CNTNAP4: variants seen among roughly 807,000 people sequenced by gnomAD.
CNTNAP4 encodes contactin-associated protein-like 4.
CNTNAP4 carries 98 observed loss-of-function variants against 148.4 expected under a neutral mutation model. The ratio of observed to expected loss-of-function variants is 0.66; its 90% confidence interval spans 0.56 to 0.78. CNTNAP4 has a LOEUF of 0.78. CNTNAP4 is among the 30% of genes least tolerant of loss of function. The probability of loss-of-function intolerance (pLI) is 0.00; values close to 1 mark genes in which losing one functional copy is unlikely to be tolerated. For synonymous variants in CNTNAP4, 730 were observed against 565.1 expected, an observed-to-expected ratio of 1.29 and a Z score of -4.14; for missense variants, 1,935 against 1,565.6, an observed-to-expected ratio of 1.24 and a Z score of -3.98.
chr16:76,513,261 T>TTA (rs942341042), intron 15 of CNTNAP4, among the ~76,000 whole-genome samples: 3 of 152,160 alleles, frequency 2.0e-5, no homozygotes, highest in African/African-American at 7.2e-5. Flanking sequence ...CTTCTGCTCT[T>TTA]TTCTTAGAGA....
At chr16:76,451,960 G>A (rs9925197) in intron 7 of CNTNAP4, among the ~76,000 whole-genome samples, 123,730 of 152,024 alleles carry the variant, frequency 0.81, 51,347 homozygotes, top group Non-Finnish European at 0.9. Flanking sequence ...TGCTCATTAC[G>A]TATTATATAT....
Position 76,355,402 on chromosome 16 carries a change from T to A in CNTNAP4, c.281T>A (p.Val94Glu), listed in dbSNP as rs1342660745. The stretch of plus-strand genomic sequence containing the variant: ...GGAGAGAGAATGGAGGTCACCGCTG[T>A]GGCCACTCAAGGGGGATATGGTAGC... ...DLGERMEVTA[V>E]ATQGGYGSSN... The change falls in exon 3 of 24, where the codon GTG (valine) becomes GAG (glutamate). Residue 94 changes from valine (V) to glutamate (E), a missense_variant. By Grantham distance (121) the Val-to-Glu change is moderately radical (BLOSUM62 -2). Coordinates refer to ENST00000611870, the MANE Select transcript of CNTNAP4 (RefSeq NM_033401.5). 6.2e-7 allele frequency: 1 copy of A among 1,611,598 alleles called. No homozygotes were observed. The highest frequency in any genetic ancestry group is 8.5e-7 in the Non-Finnish European group (1 of 1,178,614).
Position 76,448,075 on chromosome 16 carries a change from T to G in CNTNAP4, c.602T>G (p.Leu201Arg). 6.2e-7 allele frequency: 1 copy of G among 1,613,780 alleles called. No homozygotes were observed. Among genetic ancestry groups the G allele is most frequent in the Non-Finnish European group, 8.5e-7 (1 of 1,179,710 alleles). ...CTCTACAGATTTGATCAAAAATCCC[T>G]GAGCCCAATAAAAGACATTATTTCT... Reference protein sequence around the residue: ...SLLYRFDQKSLSPIKDIISLK... With the variant: ...SLLYRFDQKSRSPIKDIISLK... The change falls in exon 5 of 24, where the codon CTG becomes CGG. Residue 201 changes from leucine to arginine, a missense_variant. Transcript: ENST00000611870.
At chr16:76,534,312 A>C (rs2084121033) in intron 17 of CNTNAP4, among the ~76,000 whole-genome samples, 1 of 152,224 alleles carries the variant, frequency 6.6e-6, no homozygotes, top group South Asian at 2.1e-4. Context: ...AATGAAGGCT[A>C]GGTTAAGGAG....
intron 2 of CNTNAP4, among the ~76,000 whole-genome samples, chr16:76,327,275 A>T (rs568016422): frequency 7.9e-4 from 121 of 152,226 alleles, no homozygotes; most frequent in African/African-American, 2.8e-3. Context: ...CCAATATTTT[A>T]GCTCCCACTT....
intron 10 of CNTNAP4, among the ~76,000 whole-genome samples, chr16:76,474,485 T>G (rs1040804536): frequency 4.6e-5 from 7 of 152,126 alleles, no homozygotes; most frequent in Non-Finnish European, 7.3e-5. Flanking sequence ...ATCCATAATA[T>G]CTCTTTCAGA....
intron 8 of CNTNAP4, among the ~76,000 whole-genome samples, chr16:76,460,008 A>ATATAAACTTT (rs2080879358): frequency 6.6e-6 from 1 of 152,210 alleles, no homozygotes; most frequent in Non-Finnish European, 1.5e-5. Flanking sequence ...ATGTCTACAT[A>ATATAAACTTT]TATATAAACT....
At chr16:76,445,993 G>T (rs2080226673) in intron 4 of CNTNAP4, among the ~76,000 whole-genome samples, 1 of 152,144 alleles carries the variant, frequency 6.6e-6, no homozygotes, top group Admixed American at 6.6e-5. Flanking sequence ...AACGAGGAAG[G>T]ATTGTTAGGC....
intron 3 of CNTNAP4, among the ~76,000 whole-genome samples, chr16:76,403,293 T>C (rs141238820): frequency 0.041 from 6,292 of 152,016 alleles, 459 homozygotes; most frequent in African/African-American, 0.15. Flanking sequence ...TGGGGTTTCA[T>C]TGTGTTAGCC....
At chr16:76,553,219 T>G in intron 21 of CNTNAP4, 64 bp from the exon 22 acceptor site, 2 of 965,532 alleles carry the variant, frequency 2.1e-6, no homozygotes, top group Non-Finnish European at 3.2e-6. Context: ...AATCCTCAAT[T>G]TCTGCATCAT....
chr16:76,522,277 A>G lies in CNTNAP4; in HGVS notation c.2755+20A>G, dbSNP rs781042639. On this transcript the variant is annotated intron_variant, in intron 17 of 23. Coordinates refer to ENST00000611870, the MANE Select transcript of CNTNAP4 (RefSeq NM_033401.5). ...TCGTGGGTAAGTTCTCTTTTTAAGC[A>G]ATCATTTTATTGTATGATATGTGTT... 1 of 1,604,378 alleles carries G rather than the reference A, an allele frequency of 6.2e-7. No homozygotes were observed. Among genetic ancestry groups the G allele is most frequent in the South Asian group, 1.1e-5 (1 of 90,846 alleles).
At chr16:76,550,872 A>G (rs2084927386) in intron 21 of CNTNAP4, among the ~76,000 whole-genome samples, 1 of 152,120 alleles carries the variant, frequency 6.6e-6, no homozygotes, top group African/African-American at 2.4e-5. Flanking sequence ...AGCTCACAGT[A>G]TCGTATGTAA....
At chr16:76,547,936 A>G (rs7187962) in intron 21 of CNTNAP4, among the ~76,000 whole-genome samples, 48,729 of 152,118 alleles carry the variant, frequency 0.32, 8,108 homozygotes, top group African/African-American at 0.42. Context: ...TAAAAAAGAA[A>G]GTTTAATTAG....
intron 1 of CNTNAP4, chr16:76,287,860 A>C (rs1958951716): frequency 6.6e-6 from 1 of 152,216 alleles, no homozygotes; most frequent in Non-Finnish European, 1.5e-5. Flanking sequence ...TACAGATTTT[A>C]AGAAAAAGCA....
In CNTNAP4 at chr16:76,538,154, T is replaced by A; in HGVS notation, c.3034T>A (p.Tyr1012Asn). 1.9e-6 allele frequency: 3 copies of A among 1,589,326 alleles called. No individual in the cohort carries two copies. The highest frequency in any genetic ancestry group is 2.6e-6 in the Non-Finnish European group (3 of 1,168,850). Residue 1012 changes from tyrosine to asparagine, a missense_variant, in exon 19 of 24, where the codon TAC becomes AAC. Transcript: ENST00000611870. ...TTTTGGATCTGGCTCATCCGTGATA[T>A]ACAATTTTCAAGAAAATTATCTTTT... ...AYFGSGSSVI[Y>N]NFQENYLLSK...
chr16:76,433,007 A>G (rs570587742), intron 4 of CNTNAP4, among the ~76,000 whole-genome samples: 2 of 152,236 alleles, frequency 1.3e-5, no homozygotes, highest in African/African-American at 2.4e-5. Flanking sequence ...TTTTCTCAGC[A>G]TAGAAATCTC....
At chr16:76,346,243 A>C (rs777052543) in intron 2 of CNTNAP4, among the ~76,000 whole-genome samples, 17 of 152,090 alleles carry the variant, frequency 1.1e-4, no homozygotes, top group Non-Finnish European at 2.5e-4. Flanking sequence ...AATCAACCGA[A>C]TGTCTGAAAT....
chr16:76,372,473 T>C (rs533491058), intron 3 of CNTNAP4, among the ~76,000 whole-genome samples: 1 of 152,096 alleles, frequency 6.6e-6, no homozygotes, highest in African/African-American at 2.4e-5. Flanking sequence ...TTATCTTGAG[T>C]TGTAGCTCGC....
chr16:76,337,884 C>T (rs1964151367), intron 2 of CNTNAP4, among the ~76,000 whole-genome samples: 1 of 152,200 alleles, frequency 6.6e-6, no homozygotes, highest in East Asian at 1.9e-4. Flanking sequence ...TGGCTCTATT[C>T]TGCCTGACCC....
Sources: gnomAD v4.1 joint callset for allele counts (sites outside exome capture counted in the v4.1 genomes callset) on GRCh38, gnomAD v4.1.1 for gene constraint, MANE v1.5 for transcripts, NCBI Gene and HGNC (gene_info 2026-07-23, HGNC 2026-07-21) for gene names.